Variants in VWC2L observed in about 807,000 individuals in gnomAD.
The protein encoded by VWC2L is von Willebrand factor C domain-containing protein 2-like.
VWC2L carries 10 observed loss-of-function variants against 21.6 expected under a neutral mutation model. That is an observed-to-expected ratio of 0.46 (90% CI 0.29 to 0.78). VWC2L has a LOEUF of 0.78. VWC2L is among the 30% of genes least tolerant of loss of function. The pLI, the probability that VWC2L is intolerant of heterozygous loss-of-function variation, is 0.10. For missense variants in VWC2L, 209 were observed against 277.1 expected, an observed-to-expected ratio of 0.75 and a Z score of 1.74; for synonymous variants, 96 against 94.3, an observed-to-expected ratio of 1.02 and a Z score of -0.10.
At position 214,438,043 on chromosome 2, in the gene VWC2L, C is replaced by A. The variant is rs189047225; in HGVS notation, c.520+1285C>A. Among the ~76,000 whole-genome samples, 987 of 152,034 alleles carry A rather than the reference C, an allele frequency of 6.5e-3. 6 individuals are homozygous for A. The highest frequency in any genetic ancestry group is 0.011 in the Non-Finnish European group (718 of 67,944). ...CACTTAGCAGAAAGAAATAACGCTC[C>A]TGAAGTTCTAACTCATCAAAAATAA... is the stretch of plus-strand genomic sequence containing the variant. On this transcript the variant is annotated intron_variant, in intron 3 of 3. Transcript: ENST00000312504.
chr2:214,546,351 A>T (rs1023997878), intron 3 of VWC2L, among the ~76,000 whole-genome samples: 1 of 152,006 alleles, frequency 6.6e-6, no homozygotes, highest in African/African-American at 2.4e-5. Context: ...TGCTCCCTAG[A>T]TCTTGTTTGC....
chr2:214,545,728 A>G (rs1374393706), intron 3 of VWC2L, among the ~76,000 whole-genome samples: 5 of 152,292 alleles, frequency 3.3e-5, no homozygotes, highest in African/African-American at 1.2e-4. Context: ...TCTCAGTGGG[A>G]CTTATTGGGG....
At chr2:214,575,034 T>TAAAAAAA (rs3046806) in intron 3 of VWC2L, among the ~76,000 whole-genome samples, 1 of 118,458 alleles carries the variant, frequency 8.4e-6, no homozygotes, top group Non-Finnish European at 1.8e-5. Flanking sequence ...GGTCATTCTT[T>TAAAAAAA]AAAAAAAAAA....
intron 3 of VWC2L, among the ~76,000 whole-genome samples, chr2:214,551,064 T>C (rs1689786574): frequency 6.6e-6 from 1 of 152,156 alleles, no homozygotes; most frequent in Non-Finnish European, 1.5e-5. Flanking sequence ...CTATTCAAGA[T>C]GTTACAGTCT....
At chr2:214,543,481 A>C (rs1689659107) in intron 3 of VWC2L, among the ~76,000 whole-genome samples, 1 of 152,200 alleles carries the variant, frequency 6.6e-6, no homozygotes, top group Non-Finnish European at 1.5e-5. Flanking sequence ...TTATCTTCAC[A>C]TTTCATAAAC....
rs1690219890 is a variant in VWC2L, at chr2:214,575,739, C to T, written c.588C>T (p.Asn196=). ...TTGAAGTGAAAGTGGACGAATGTAA[C>T]ATCTGTCATTGTCACAACGGGGACT... ...AGIEVKVDEC[N]ICHCHNGDWW... is the part of the protein sequence containing the mutation. The change falls in exon 4 of 4, where the codon AAC becomes AAT. Residue 196 remains asparagine (N), a synonymous_variant. Coordinates refer to ENST00000312504, the MANE Select transcript of VWC2L (RefSeq NM_001080500.4). 3 of 1,613,434 alleles carry T rather than the reference C, an allele frequency of 1.9e-6. No individual in the cohort carries two copies. Among genetic ancestry groups the T allele is most frequent in the Non-Finnish European group, 2.5e-6 (3 of 1,179,578 alleles).
chr2:214,562,305 C>G (rs377087940), intron 3 of VWC2L, among the ~76,000 whole-genome samples: 2 of 152,124 alleles, frequency 1.3e-5, no homozygotes, highest in African/African-American at 4.8e-5. Context: ...TATCCATCTC[C>G]CTGCAAAAGA....
intron 3 of VWC2L, among the ~76,000 whole-genome samples, chr2:214,469,433 A>G (rs192981369): frequency 6.6e-6 from 1 of 152,308 alleles, no homozygotes; most frequent in East Asian, 1.9e-4. Flanking sequence ...CCCCATCTCT[A>G]CCAAAAATAC....
chr2:214,498,106 A>G (rs1688836833), intron 3 of VWC2L, among the ~76,000 whole-genome samples: 1 of 152,166 alleles, frequency 6.6e-6, no homozygotes, highest in African/African-American at 2.4e-5. Context: ...ACCAGTCTGC[A>G]GTGGGAAACA....
intron 3 of VWC2L, among the ~76,000 whole-genome samples, chr2:214,485,270 G>A (rs573318070): frequency 2.0e-5 from 3 of 152,082 alleles, no homozygotes; most frequent in Admixed American, 6.6e-5. Context: ...ATGTGCCACT[G>A]TATTCCAGCC....
At chr2:214,551,039 G>A (rs1038824590) in intron 3 of VWC2L, among the ~76,000 whole-genome samples, 6 of 152,060 alleles carry the variant, frequency 3.9e-5, no homozygotes, top group African/African-American at 7.2e-5. Context: ...ACAAAAATTA[G>A]CAGAACAGCT....
chr2:214,440,726 A>G (rs1702753827), intron 3 of VWC2L, among the ~76,000 whole-genome samples: 1 of 152,138 alleles, frequency 6.6e-6, no homozygotes, highest in African/African-American at 2.4e-5. Context: ...TCCATTCTTC[A>G]GTTGTTCATA....
intron 3 of VWC2L, among the ~76,000 whole-genome samples, chr2:214,553,258 G>A: frequency 6.6e-6 from 1 of 152,244 alleles, no homozygotes; most frequent in East Asian, 1.9e-4. Context: ...GATATTTGAA[G>A]AGATTTATTC....
chr2:214,472,463 C>T (rs767780387), intron 3 of VWC2L, among the ~76,000 whole-genome samples: 21 of 152,168 alleles, frequency 1.4e-4, no homozygotes, highest in Non-Finnish European at 2.6e-4. Flanking sequence ...AAATGATAGA[C>T]ATTTGCCAAT....
Position 214,551,679 on chromosome 2 carries a change from C to A in VWC2L, c.521-23993C>A, listed in dbSNP as rs143705816. Among the ~76,000 whole-genome samples, 12 of 152,312 alleles carry A rather than the reference C, an allele frequency of 7.9e-5. No homozygotes were observed. The East Asian group carries it at 2.3e-3, about 29-fold the overall frequency. ...AACCTGCAGTTCATTAATCCACCCT[C>A]TTTCTTGATGATTCCCACTTGCCTA... On this transcript the variant is annotated intron_variant, in intron 3 of 3. Coordinates refer to ENST00000312504, the MANE Select transcript of VWC2L (RefSeq NM_001080500.4).
At chr2:214,442,657 T>C (rs1398449737) in intron 3 of VWC2L, among the ~76,000 whole-genome samples, 1 of 151,936 alleles carries the variant, frequency 6.6e-6, no homozygotes, top group Non-Finnish European at 1.5e-5. Flanking sequence ...ATATTTATAA[T>C]TTAAAATATT....
rs561274992 is a variant in VWC2L at position 214,532,525 on chromosome 2, G to A, written c.521-43147G>A. ...AATCCTTTTATGATTGTGTTGAAAT[G>A]TCTTTTACATTCACTTTCCATTTTT... is the stretch of plus-strand genomic sequence containing the variant. On this transcript the variant is annotated intron_variant, in intron 3 of 3. Coordinates refer to ENST00000312504, the MANE Select transcript of VWC2L (RefSeq NM_001080500.4). 1.0e-3 allele frequency among the ~76,000 whole-genome samples: 156 copies of A among 152,126 alleles called. 1 individual carries two copies. The highest frequency in any genetic ancestry group is 3.4e-3 in the Middle Eastern group (1 of 294).
At chr2:214,503,065 C>G (rs1688917795) in intron 3 of VWC2L, among the ~76,000 whole-genome samples, 1 of 152,222 alleles carries the variant, frequency 6.6e-6, no homozygotes, top group Non-Finnish European at 1.5e-5. Context: ...CAGTTCAAAA[C>G]TGGCTACCAT....
In VWC2L at chr2:214,414,230, T is replaced by C. The variant is rs1436607495; in HGVS notation, c.37T>C (p.Leu13=). The change falls in exon 2 of 4, where the codon TTG becomes CTG. Residue 13 remains leucine, a synonymous_variant. Transcript: ENST00000312504. Reference sequence around the variant, plus strand: ...TATTCATGAAGCTTGCATACTTCTGTTGGTCATCCCTGGATTGGTCACCTC... The same window carrying C: ...TATTCATGAAGCTTGCATACTTCTGCTGGTCATCCCTGGATTGGTCACCTC... ...LHIHEACILL[L]VIPGLVTSAA... 3.1e-6 allele frequency: 5 copies of C among 1,613,422 alleles called. No individual in the cohort carries two copies. The highest frequency in any genetic ancestry group is 2.5e-6 in the Non-Finnish European group (3 of 1,179,704).
Sources: allele counts gnomAD v4.1 joint callset (sites outside exome capture counted in the v4.1 genomes callset), GRCh38; gene constraint gnomAD v4.1.1; transcripts MANE v1.5; gene names NCBI Gene and HGNC (gene_info 2026-07-23, HGNC 2026-07-21).